SDK2: variants seen among roughly 807,000 people sequenced by gnomAD.
The protein encoded by SDK2 is protein sidekick-2.
Under a neutral mutation model 253.9 loss-of-function variants are expected in SDK2, and 105 were observed. That is an observed-to-expected ratio of 0.41 (90% CI 0.35 to 0.49). The LOEUF (loss-of-function observed/expected upper bound fraction) is 0.49. Among genes scored for constraint, SDK2 ranks in the 20% least tolerant of loss-of-function variants. The probability of loss-of-function intolerance (pLI) is 0.06; values close to 1 mark genes in which losing one functional copy is unlikely to be tolerated. For synonymous variants in SDK2, 1,249 were observed against 1,234.9 expected, an observed-to-expected ratio of 1.01 and a Z score of -0.24; for missense variants, 2,608 against 3,003.0, an observed-to-expected ratio of 0.87 and a Z score of 3.07.
chr17:73,617,702 A>C (rs1241407689), intron 1 of SDK2, among the ~76,000 whole-genome samples: 2 of 152,160 alleles, frequency 1.3e-5, no homozygotes, highest in African/African-American at 4.8e-5. Context: ...ACTCATAAAT[A>C]ATTAGTGAGT....
intron 2 of SDK2, among the ~76,000 whole-genome samples, chr17:73,499,815 C>T (rs1172436824): frequency 6.6e-6 from 1 of 151,704 alleles, no homozygotes; most frequent in Admixed American, 6.6e-5. Flanking sequence ...ACCCATGAGC[C>T]TCCATAAACA....
intron 18 of SDK2, among the ~76,000 whole-genome samples, chr17:73,413,929 A>G (rs2063158919): frequency 6.6e-6 from 1 of 152,170 alleles, no homozygotes; most frequent in African/African-American, 2.4e-5. Context: ...AGTCGAGTAC[A>G]GCCTGGGGAT....
intron 18 of SDK2, among the ~76,000 whole-genome samples, chr17:73,408,484 A>G (rs1403543509): frequency 6.6e-6 from 1 of 152,096 alleles, no homozygotes; most frequent in Admixed American, 6.6e-5. Context: ...TTGGCCTCCC[A>G]AAGTGTTGGG....
At chr17:73,341,711 C>T (rs1566292) in intron 44 of SDK2, among the ~76,000 whole-genome samples, 321 of 152,272 alleles carry the variant, frequency 2.1e-3, no homozygotes, top group Non-Finnish European at 3.7e-3. Flanking sequence ...ATGAGATGCA[C>T]GGCTTGTTCT....
At chr17:73,433,393 C>A (rs1467271706) in intron 10 of SDK2, among the ~76,000 whole-genome samples, 1 of 152,134 alleles carries the variant, frequency 6.6e-6, no homozygotes. Flanking sequence ...AGCGATTCTC[C>A]TATCTCAGCC....
intron 2 of SDK2, among the ~76,000 whole-genome samples, chr17:73,480,133 C>A (rs2063712219): frequency 6.6e-6 from 1 of 152,208 alleles, no homozygotes; most frequent in Non-Finnish European, 1.5e-5. Context: ...CTAACATAAA[C>A]CTCGGTTCAC....
chr17:73,390,188 C>T, intron 29 of SDK2, 99 bp downstream of exon 29: 1 of 1,050,182 alleles, frequency 9.5e-7, no homozygotes, highest in Admixed American at 2.9e-5. Flanking sequence ...ATCCAGGGCA[C>T]TGCAGCTCAT....
chr17:73,613,613 C>G (rs1938289476), intron 1 of SDK2, among the ~76,000 whole-genome samples: 1 of 150,940 alleles, frequency 6.6e-6, no homozygotes, highest in African/African-American at 2.4e-5. Flanking sequence ...CCCCAGCCCC[C>G]TCCCCCTACA....
Position 73,419,225 on chromosome 17 carries a change from G to A in SDK2, c.2127C>T (p.Ile709=). Residue 709 remains isoleucine (I), a synonymous_variant, in exon 16 of 45, where the codon ATC becomes ATT. Transcript: ENST00000392650. ...GGCTCTCAGGAGGCGGCTGCCACTG[G>A]ATCATGATGGACTGGTTGGTTCGAC... ...ASGRTNQSIM[I]QWQPPPESHQ... The A allele has an allele frequency of 6.2e-7, 1 of 1,612,882 alleles. No individual in the cohort carries two copies. The highest frequency in any genetic ancestry group is 8.5e-7 in the Non-Finnish European group (1 of 1,179,580).
chr17:73,540,257 A>G (rs1567831370), intron 1 of SDK2, among the ~76,000 whole-genome samples: 1 of 152,218 alleles, frequency 6.6e-6, no homozygotes, highest in Non-Finnish European at 1.5e-5. Flanking sequence ...TCCCATCCTC[A>G]GCATGGCAAT....
chr17:73,412,043 TATGTATATAC>T (rs1568389288), intron 18 of SDK2, among the ~76,000 whole-genome samples: 2 of 8,150 alleles, frequency 2.5e-4, no homozygotes, highest in East Asian at 5.0e-3. Flanking sequence ...TACGTATATA[TATGTATATAC>T]GTATATGTAT....
chr17:73,516,091 G>C (rs1437423179), intron 1 of SDK2, among the ~76,000 whole-genome samples: 1 of 152,186 alleles, frequency 6.6e-6, no homozygotes, highest in East Asian at 1.9e-4. Context: ...GTCTCTTGAA[G>C]TTCTTACGTC....
Position 73,419,226 on chromosome 17 carries a change from A to G in SDK2, c.2126T>C (p.Ile709Thr). Residue 709 changes from isoleucine (I) to threonine (T), a missense_variant, in exon 16 of 45, where the codon ATC becomes ACC. Ile to Thr is a moderately conservative substitution (Grantham distance 89). Coordinates refer to ENST00000392650, the MANE Select transcript of SDK2 (RefSeq NM_001144952.2). ...GCTCTCAGGAGGCGGCTGCCACTGG[A>G]TCATGATGGACTGGTTGGTTCGACC... ...ASGRTNQSIM[I>T]QWQPPPESHQ... 1 of 1,612,870 alleles carries G rather than the reference A, an allele frequency of 6.2e-7. No individual in the cohort carries two copies.
intron 31 of SDK2, 28 bp downstream of exon 31, chr17:73,386,417 G>A (rs544635980): frequency 1.4e-6 from 2 of 1,449,888 alleles, no homozygotes; most frequent in South Asian, 2.4e-5. Flanking sequence ...TGGGCTGAGA[G>A]AGAGACTGCT....
intron 1 of SDK2, among the ~76,000 whole-genome samples, chr17:73,635,543 C>T (rs970474738): frequency 5.3e-5 from 8 of 152,154 alleles, no homozygotes; most frequent in Non-Finnish European, 4.4e-5. Flanking sequence ...CCTGGCTTTA[C>T]GAGGCCCTTG....
At chr17:73,510,904 T>G (rs2063975109) in intron 1 of SDK2, among the ~76,000 whole-genome samples, 1 of 152,192 alleles carries the variant, frequency 6.6e-6, no homozygotes, top group South Asian at 2.1e-4. Context: ...AGAAGATGCT[T>G]CTTTCTGAGT....
intron 44 of SDK2, among the ~76,000 whole-genome samples, chr17:73,343,282 G>A (rs1223942299): frequency 1.3e-5 from 2 of 152,252 alleles, no homozygotes; most frequent in African/African-American, 4.8e-5. Context: ...GCTGCGGGAG[G>A]GGCCAGGCAG....
At chr17:73,404,937 T>C (rs2063058733) in intron 18 of SDK2, among the ~76,000 whole-genome samples, 1 of 151,808 alleles carries the variant, frequency 6.6e-6, no homozygotes, top group African/African-American at 2.4e-5. Context: ...CTGGCACACT[T>C]GAACCTGAAC....
At chr17:73,548,497 G>A (rs2045003221) in intron 1 of SDK2, among the ~76,000 whole-genome samples, 1 of 152,224 alleles carries the variant, frequency 6.6e-6, no homozygotes. Context: ...TCCTGGGGTG[G>A]GGGACAGATA....
Sources: allele counts gnomAD v4.1 joint callset (sites outside exome capture counted in the v4.1 genomes callset), GRCh38; gene constraint gnomAD v4.1.1; transcripts MANE v1.5; gene names NCBI Gene and HGNC (gene_info 2026-07-23, HGNC 2026-07-21).